The following PRKCG variants were observed in gnomAD, a reference collection of about 807,000 sequenced individuals.
PRKCG encodes the protein protein kinase C gamma type.
Under a neutral mutation model 82.0 loss-of-function variants are expected in PRKCG, and 28 were observed. The observed-to-expected ratio is 0.34, with a 90% CI of 0.25 to 0.47. The LOEUF is 0.47. Among genes scored for constraint, PRKCG ranks in the 20% least tolerant of loss-of-function variants. The pLI is 1.00. For missense variants in PRKCG, 640 were observed against 952.7 expected, an observed-to-expected ratio of 0.67 and a Z score of 4.32; for synonymous variants, 383 against 376.6, an observed-to-expected ratio of 1.02 and a Z score of -0.20.
chr19:53,900,342 G>A lies in PRKCG; in HGVS notation c.1373+18G>A. On this transcript the variant is annotated intron_variant, in intron 12 of 17. Coordinates refer to ENST00000263431, the MANE Select transcript of PRKCG (RefSeq NM_002739.5). This position sits in a 1 kb window ranked among gnomAD's most constrained non-coding sequence, Gnocchi z 4.2. ...CATGCAGCGTGAGTCTCGGCCAACA[G>A]AGAATGGTCGGGGTGGTGGAAGGGG... 6.2e-7 allele frequency: 1 copy of A among 1,614,052 alleles called. No homozygotes were observed. Among genetic ancestry groups the A allele is most frequent in the South Asian group, 1.1e-5 (1 of 91,076 alleles).
rs1402921371 is a variant in PRKCG at position 53,884,770 on chromosome 19, C to T, written c.285+527C>T. On this transcript the variant is annotated intron_variant, in intron 3 of 17. Transcript: ENST00000263431. The surrounding 1 kb of genome is among the most constrained non-coding windows in gnomAD (Gnocchi z 4.6). ...AAACTCCAAGAGACGGAGACACAGACACCTGGAGAAAGAGACTAAAATAGA... is the reference window on the plus strand; with the variant it reads ...AAACTCCAAGAGACGGAGACACAGATACCTGGAGAAAGAGACTAAAATAGA... Among the ~76,000 whole-genome samples the T allele has an allele frequency of 6.6e-6, 1 of 152,180 alleles. No individual in the cohort carries two copies. Among genetic ancestry groups the T allele is most frequent in the African/African-American group, 2.4e-5 (1 of 41,426 alleles).
At chr19:53,893,756 A>ATTTATTTTTATT (rs577672346) in intron 9 of PRKCG, among the ~76,000 whole-genome samples, 3,735 of 151,062 alleles carry the variant, frequency 0.025, 106 homozygotes, top group East Asian at 0.12. Context: ...AAATTTTTTA[A>ATTTATTTTTATT]TTTATTTTTA....
chr19:53,882,442 C>T lies in PRKCG; in HGVS notation c.-53C>T, dbSNP rs2068599444. The stretch of plus-strand genomic sequence containing the variant: ...GAGTCTCCAGCTCCTCTCCCTTCCA[C>T]CTGTTTCCCCCAAGAAAGGCAGGAT... On this transcript the variant is annotated 5_prime_UTR_variant, in exon 1 of 18. Coordinates refer to ENST00000263431, the MANE Select transcript of PRKCG (RefSeq NM_002739.5). The surrounding 1 kb of genome is among the most constrained non-coding windows in gnomAD (Gnocchi z 6.1). The T allele has an allele frequency of 1.9e-6, 3 of 1,587,822 alleles. No homozygotes were observed. The highest frequency in any genetic ancestry group is 1.1e-5 in the South Asian group (1 of 88,212).
intron 9 of PRKCG, among the ~76,000 whole-genome samples, chr19:53,895,712 G>A (rs984028487): frequency 6.6e-6 from 1 of 152,138 alleles, no homozygotes; most frequent in African/African-American, 2.4e-5. Context: ...TGCCTCAAAT[G>A]TCTGCCTACT....
rs762529486 is a variant in PRKCG at position 53,892,752 on chromosome 19, GCACACA to G, written c.821+133_821+138del. 2.3e-3 allele frequency: 2,526 copies of G among 1,096,370 alleles called. 61 individuals are homozygous for G. The highest frequency in any genetic ancestry group is 3.1e-3 in the Non-Finnish European group (2,372 of 771,716). 67.9% of individuals were successfully genotyped at this position (1,096,370 alleles called of 1,614,324 possible). ...TCCTTCCCTCTGCCTCCCAGCATGC[GCACACA>G]CACACACACACACACACACACACGC... On this transcript the variant is annotated intron_variant, in intron 7 of 17. Coordinates refer to ENST00000263431, the MANE Select transcript of PRKCG (RefSeq NM_002739.5). The surrounding 1 kb of genome is among the most constrained non-coding windows in gnomAD (Gnocchi z 5.9).
intron 14 of PRKCG, among the ~76,000 whole-genome samples, chr19:53,902,479 C>G (rs535939702): frequency 2.2e-4 from 34 of 152,204 alleles, no homozygotes; most frequent in African/African-American, 7.7e-4. Flanking sequence ...CACAAATATT[C>G]TAGGTGGGTG....
In PRKCG at chr19:53,890,016, T is replaced by A; in HGVS notation, c.528T>A (p.Thr176=). The part of the protein sequence containing the change: ...RAPTADEIHV[T]VGEARNLIPM... ...CCACAGCAGATGAGATCCACGTAAC[T>A]GGTGAGGCCCCGCCCCCTCGCCTGG... is the stretch of plus-strand genomic sequence containing the variant. The change falls in exon 5 of 18, where the codon ACT becomes ACA. Residue 176 remains threonine, a splice_region_variant and synonymous_variant. Transcript: ENST00000263431. The A allele has an allele frequency of 6.4e-7, 1 of 1,559,822 alleles. No individual in the cohort carries two copies. Among genetic ancestry groups the A allele is most frequent in the Non-Finnish European group, 8.7e-7 (1 of 1,154,962 alleles).
chr19:53,896,616 C>T (rs901940044), intron 9 of PRKCG, among the ~76,000 whole-genome samples: 1 of 152,028 alleles, frequency 6.6e-6, no homozygotes, highest in Non-Finnish European at 1.5e-5. Flanking sequence ...GATGGGGCTT[C>T]GCCATGTTGG....
In PRKCG at chr19:53,900,205, G is replaced by A. The variant is rs2123015830; in HGVS notation, c.1282-28G>A. The A allele has an allele frequency of 6.3e-7, 1 of 1,598,426 alleles. No homozygotes were observed. The highest frequency in any genetic ancestry group is 8.6e-7 in the Non-Finnish European group (1 of 1,165,812). On this transcript the variant is annotated intron_variant, in intron 11 of 17. Transcript: ENST00000263431. The surrounding 1 kb of genome is among the most constrained non-coding windows in gnomAD (Gnocchi z 4.2). ...CTCCTACTCTGGGTAGATGGATCCCGCCTCTAAGCCCATGCACTTCTCCGC... is the reference window on the plus strand; with the variant it reads ...CTCCTACTCTGGGTAGATGGATCCCACCTCTAAGCCCATGCACTTCTCCGC...
At chr19:53,881,271 G>C (rs1204542498), upstream of PRKCG, among the ~76,000 whole-genome samples, 1 of 152,000 alleles carries the variant, frequency 6.6e-6, no homozygotes, top group African/African-American at 2.4e-5. Flanking sequence ...CAGAGACAAA[G>C]GCATTTATAA....
chr19:53,901,579 G>A (rs1599952573), intron 14 of PRKCG, among the ~76,000 whole-genome samples: 2 of 146,980 alleles, frequency 1.4e-5, no homozygotes, highest in Admixed American at 1.4e-4. Flanking sequence ...AAAGCCGGGT[G>A]CAGTGGCTCA....
rs2068818373 is a variant in PRKCG at position 53,906,963 on chromosome 19, C to T, written c.*68C>T. On this transcript the variant is annotated 3_prime_UTR_variant, in exon 18 of 18. Coordinates refer to ENST00000263431, the MANE Select transcript of PRKCG (RefSeq NM_002739.5). The stretch of plus-strand genomic sequence containing the variant: ...GTGCCGGCGGCAGCCCCACTTCACC[C>T]CCAACTTCACCACCCCCTGTCCCAT... 1 of 1,604,964 alleles carries T rather than the reference C, an allele frequency of 6.2e-7. No homozygotes were observed. The highest frequency in any genetic ancestry group is 2.2e-5 in the East Asian group (1 of 44,486).
chr19:53,884,038 C>A lies in PRKCG; in HGVS notation c.203-123C>A. 1.1e-6 allele frequency: 1 copy of A among 904,742 alleles called. No individual in the cohort carries two copies. The highest frequency in any genetic ancestry group is 1.8e-6 in the Non-Finnish European group (1 of 560,886). The allele number at this position is 904,742 out of a possible 1,614,324, so 56.0% of individuals were successfully genotyped here. ...TCTGTTGGACTCTCTGTGTTGAGAT[C>A]CCTCTCTTTCTGGTTTTCTCAGTGT... On this transcript the variant is annotated intron_variant, in intron 2 of 17. Coordinates refer to ENST00000263431, the MANE Select transcript of PRKCG (RefSeq NM_002739.5). The surrounding 1 kb of genome is among the most constrained non-coding windows in gnomAD (Gnocchi z 4.6).
chr19:53,900,504 G>T lies in PRKCG; in HGVS notation c.1436+23G>T, dbSNP rs1204006476. 6.2e-7 allele frequency: 1 copy of T among 1,614,066 alleles called. No individual in the cohort carries two copies. The highest frequency in any genetic ancestry group is 8.5e-7 in the Non-Finnish European group (1 of 1,179,986). On this transcript the variant is annotated intron_variant, in intron 13 of 17. Transcript: ENST00000263431. This position sits in a 1 kb window ranked among gnomAD's most constrained non-coding sequence, Gnocchi z 4.2. ...CAGGTGAGCAGCCCCAGGAATTTCC[G>T]TGGAGGAAATCACGCCCCTGGAAGG...
In PRKCG at chr19:53,893,024, C is replaced by T; in HGVS notation, c.858C>T (p.Tyr286=). 6.2e-7 allele frequency: 1 copy of T among 1,614,094 alleles called. No individual in the cohort carries two copies. Among genetic ancestry groups the T allele is most frequent in the Non-Finnish European group, 8.5e-7 (1 of 1,180,008 alleles). ...TGAACCAGGAGGAGGGCGAGTATTA[C>T]AATGTGCCGGTGGCCGATGCTGACA... The part of the protein sequence containing the change: ...KLLNQEEGEY[Y]NVPVADADNC... The change falls in exon 8 of 18, where the codon TAC becomes TAT. Residue 286 remains tyrosine (Y), a synonymous_variant. Coordinates refer to ENST00000263431, the MANE Select transcript of PRKCG (RefSeq NM_002739.5).
intron 11 of PRKCG, among the ~76,000 whole-genome samples, chr19:53,899,785 C>T (rs2068749045): frequency 1.3e-5 from 2 of 152,154 alleles, no homozygotes; most frequent in Admixed American, 1.3e-4. Flanking sequence ...CCGGGTTTCG[C>T]CACGTTGGCC....
Position 53,906,466 on chromosome 19 carries a change from C to T in PRKCG, c.1905+9C>T. 1 of 1,573,532 alleles carries T rather than the reference C, an allele frequency of 6.4e-7. No individual in the cohort carries two copies. The highest frequency in any genetic ancestry group is 8.6e-7 in the Non-Finnish European group (1 of 1,158,668). On this transcript the variant is annotated intron_variant, in intron 17 of 17. Transcript: ENST00000263431. Reference sequence around the variant, plus strand: ...CTTTCAGACCCCGCCCGGTCAGTCACCCTCCAGGCAACAAAAACCTGGTCC... The same window carrying T: ...CTTTCAGACCCCGCCCGGTCAGTCATCCTCCAGGCAACAAAAACCTGGTCC...
At position 53,882,430 on chromosome 19, in the gene PRKCG, C is replaced by T; in HGVS notation, c.-65C>T. The T allele has an allele frequency of 6.3e-7, 1 of 1,578,682 alleles. No homozygotes were observed. On this transcript the variant is annotated 5_prime_UTR_variant, in exon 1 of 18. Coordinates refer to ENST00000263431, the MANE Select transcript of PRKCG (RefSeq NM_002739.5). This position sits in a 1 kb window ranked among gnomAD's most constrained non-coding sequence, Gnocchi z 6.1. The stretch of plus-strand genomic sequence containing the variant: ...CTTTGATCCTTCGAGTCTCCAGCTC[C>T]TCTCCCTTCCACCTGTTTCCCCCAA...
Position 53,900,592 on chromosome 19 carries a change from A to G in PRKCG, c.1437-19A>G. ...CAACACTTCTTGCAATTCCTGCCCCACACCCCTGCATCGTCCAGGGACCTG... is the reference window on the plus strand; with the variant it reads ...CAACACTTCTTGCAATTCCTGCCCCGCACCCCTGCATCGTCCAGGGACCTG... On this transcript the variant is annotated intron_variant, in intron 13 of 17. Transcript: ENST00000263431. This position sits in a 1 kb window ranked among gnomAD's most constrained non-coding sequence, Gnocchi z 4.2. The G allele has an allele frequency of 6.2e-7, 1 of 1,614,156 alleles. No individual in the cohort carries two copies. Among genetic ancestry groups the G allele is most frequent in the Non-Finnish European group, 8.5e-7 (1 of 1,180,032 alleles).
Sources: gnomAD v4.1 joint callset for allele counts (sites outside exome capture counted in the v4.1 genomes callset) on GRCh38, gnomAD v4.1.1 for gene constraint, Gnocchi (gnomAD v3.1) non-coding constraint, MANE v1.5 for transcripts, NCBI Gene and HGNC (gene_info 2026-07-23, HGNC 2026-07-21) for gene names.